The following ADAMTS14 variants were observed in gnomAD, a reference collection of about 807,000 sequenced individuals.
The protein encoded by ADAMTS14 is ADAM metallopeptidase with thrombospondin type 1 motif 14, also known as A disintegrin and metalloproteinase with thrombospondin motifs 14.
Under a neutral mutation model 128.6 loss-of-function variants are expected in ADAMTS14, and 100 were observed. The observed-to-expected ratio is 0.78, with a 90% confidence interval of 0.66 to 0.92. The LOEUF (loss-of-function observed/expected upper bound fraction) is 0.92, where lower values mean the gene tolerates loss of function less well. Ranked by LOEUF, ADAMTS14 falls within the 40% of genes least tolerant of loss-of-function variation. ADAMTS14 has a pLI of 0.00. For synonymous variants in ADAMTS14, 665 were observed against 653.8 expected, an observed-to-expected ratio of 1.02 and a Z score of -0.26; for missense variants, 1,562 against 1,658.6, an observed-to-expected ratio of 0.94 and a Z score of 1.01.
chr10:70,705,321 G>A lies in ADAMTS14; in HGVS notation c.679+2853G>A, dbSNP rs571238464. ...CCATGGTCCTACTCTCTGGAGCCCC[G>A]TTCCCACCCCCAGTTCCCTCCTGAG... On this transcript the variant is annotated intron_variant, in intron 3 of 21. Coordinates refer to ENST00000373207, the MANE Select transcript of ADAMTS14 (RefSeq NM_080722.4). 3.3e-5 allele frequency among the ~76,000 whole-genome samples: 5 copies of A among 152,204 alleles called. No individual in the cohort carries two copies. In the South Asian group the frequency reaches 1.0e-3, roughly 32 times the overall value.
At chr10:70,704,668 CAA>C (rs1840601744) in intron 3 of ADAMTS14, among the ~76,000 whole-genome samples, 2 of 150,016 alleles carry the variant, frequency 1.3e-5, no homozygotes, top group Admixed American at 6.8e-5. Context: ...CACACTGACA[CAA>C]ACACACGCTC....
chr10:70,746,021 G>C (rs1253851298), intron 15 of ADAMTS14, among the ~76,000 whole-genome samples: 1 of 152,174 alleles, frequency 6.6e-6, no homozygotes, highest in East Asian at 1.9e-4. Context: ...GACAAGCCCA[G>C]ATTTAAGGGG....
chr10:70,758,681 T>C (rs1842535843), intron 21 of ADAMTS14, among the ~76,000 whole-genome samples: 1 of 152,206 alleles, frequency 6.6e-6, no homozygotes, highest in African/African-American at 2.4e-5. Flanking sequence ...CTGAACTATA[T>C]CTGGTTCCAA....
intron 2 of ADAMTS14, among the ~76,000 whole-genome samples, chr10:70,694,595 T>G (rs1840281780): frequency 1.3e-5 from 2 of 152,250 alleles, no homozygotes; most frequent in Admixed American, 1.3e-4. Flanking sequence ...TTGCCTATTC[T>G]ATTTGTTTGA....
At chr10:70,693,296 AG>A (rs1169936171) in intron 2 of ADAMTS14, among the ~76,000 whole-genome samples, 2 of 152,206 alleles carry the variant, frequency 1.3e-5, no homozygotes, top group African/African-American at 4.8e-5. Context: ...AAACTCTATC[AG>A]CATGTCAAAG....
chr10:70,710,337 G>A (rs1840809178), intron 4 of ADAMTS14, among the ~76,000 whole-genome samples: 1 of 152,248 alleles, frequency 6.6e-6, no homozygotes, highest in Admixed American at 6.5e-5. Flanking sequence ...GGTGGGTCCT[G>A]AAGAATTTGA....
At chr10:70,759,280 C>G (rs1347962021) in intron 21 of ADAMTS14, among the ~76,000 whole-genome samples, 1 of 151,896 alleles carries the variant, frequency 6.6e-6, no homozygotes, top group Non-Finnish European at 1.5e-5. Flanking sequence ...TCTGATCTTT[C>G]TCTTGTTCCC....
At chr10:70,755,444 G>A (rs1174920631) in intron 19 of ADAMTS14, among the ~76,000 whole-genome samples, 1 of 152,188 alleles carries the variant, frequency 6.6e-6, no homozygotes, top group Non-Finnish European at 1.5e-5. Context: ...TGTTTAATAG[G>A]CGAGGAGTTT....
chr10:70,677,576 C>T (rs1242036649), intron 2 of ADAMTS14, among the ~76,000 whole-genome samples: 1 of 152,142 alleles, frequency 6.6e-6, no homozygotes, highest in Non-Finnish European at 1.5e-5. Context: ...CTGGGTCCCC[C>T]TCCCCTTGGT....
At chr10:70,721,302 C>T (rs958923999) in intron 4 of ADAMTS14, among the ~76,000 whole-genome samples, 1 of 151,814 alleles carries the variant, frequency 6.6e-6, no homozygotes, top group Non-Finnish European at 1.5e-5. Context: ...GGATTACAGG[C>T]GTGAGCCACC....
intron 8 of ADAMTS14, among the ~76,000 whole-genome samples, chr10:70,734,682 G>A (rs1345455925): frequency 1.3e-5 from 2 of 152,222 alleles, no homozygotes; most frequent in Non-Finnish European, 2.9e-5. Flanking sequence ...CTGAGAATGG[G>A]AGGCCAAGTG....
In ADAMTS14 at chr10:70,762,161, G is replaced by C. The variant is rs571030388; in HGVS notation, c.*1308G>C. Reference sequence around the variant, plus strand: ...TCTCCTAAACTCCTGCCAGGTGATAGAGGTGCTTCTCACTTCTTCCTTCCC... The same window carrying C: ...TCTCCTAAACTCCTGCCAGGTGATACAGGTGCTTCTCACTTCTTCCTTCCC... On this transcript the variant is annotated 3_prime_UTR_variant, in exon 22 of 22. Transcript: ENST00000373207. 6.0e-4 allele frequency: 92 copies of C among 152,680 alleles called. No homozygotes were observed. The highest frequency in any genetic ancestry group is 2.2e-3 in the African/African-American group (90 of 41,512). 9.5% of individuals were successfully genotyped at this position (152,680 alleles called of 1,614,324 possible). A position where few individuals can be genotyped will look rare whatever the true frequency, so the allele number is the denominator to read the frequency against.
At position 70,730,252 on chromosome 10, in the gene ADAMTS14, A is replaced by T; in HGVS notation, c.1102+3A>T. 6.2e-7 allele frequency: 1 copy of T among 1,613,632 alleles called. No homozygotes were observed. The highest frequency in any genetic ancestry group is 8.5e-7 in the Non-Finnish European group (1 of 1,179,684). ...CCGGCAGGACTTTGGGCCCTCAGGT[A>T]TGCAAGGTACTGTATTTGCCATGGC... On this transcript the variant is annotated splice_donor_region_variant and intron_variant, in intron 6 of 21. Coordinates refer to ENST00000373207, the MANE Select transcript of ADAMTS14 (RefSeq NM_080722.4).
At chr10:70,682,229 G>A (rs924223943) in intron 2 of ADAMTS14, among the ~76,000 whole-genome samples, 1 of 150,820 alleles carries the variant, frequency 6.6e-6, no homozygotes, top group African/African-American at 2.5e-5. Flanking sequence ...GAAGAGGACC[G>A]GGTAGTCATA....
chr10:70,741,160 A>G lies in ADAMTS14; in HGVS notation c.1922A>G (p.Asp641Gly), dbSNP rs1213777991. The G allele has an allele frequency of 1.2e-6, 2 of 1,612,064 alleles. No homozygotes were observed. The highest frequency in any genetic ancestry group is 3.3e-5 in the Admixed American group (2 of 59,988). ...AGCTGGGTGCCCTACGAGCCTGACG[A>G]TGGTGAGTGGGCCCCACCCCCCTCC... ...KHSWVPYEPD[D>G]DAQKCELICQ... is the part of the protein sequence containing the mutation. Residue 641 changes from aspartate (D) to glycine (G), a missense_variant and splice_region_variant, in exon 12 of 22, where the codon GAT (aspartate) becomes GGT (glycine). Asp to Gly is a moderately conservative substitution (Grantham distance 94, BLOSUM62 -1). Coordinates refer to ENST00000373207, the MANE Select transcript of ADAMTS14 (RefSeq NM_080722.4).
At chr10:70,757,102 G>A (rs1023123624) in intron 19 of ADAMTS14, among the ~76,000 whole-genome samples, 1 of 152,114 alleles carries the variant, frequency 6.6e-6, no homozygotes, top group Non-Finnish European at 1.5e-5. Context: ...ATAAGGCTGT[G>A]GTCAGCATCT....
rs1015998129 is a variant in ADAMTS14, at chr10:70,702,189, G to A, written c.523-123G>A. The A allele has an allele frequency of 3.5e-6, 5 of 1,416,132 alleles. No homozygotes were observed. The African/African-American group carries it at 5.7e-5, about 16-fold the overall frequency. 87.7% of individuals were successfully genotyped at this position (1,416,132 alleles called of 1,614,324 possible). ...AATCCCAGGGCTCCTCAAGGTCCTG[G>A]AGGAAGAGCCTGCAAGCATGTAGGG... is the stretch of plus-strand genomic sequence containing the variant. On this transcript the variant is annotated intron_variant, in intron 2 of 21. Transcript: ENST00000373207.
chr10:70,735,404 G>A (rs779073230), intron 9 of ADAMTS14, 103 bp downstream of exon 9: 148 of 1,464,040 alleles, frequency 1.0e-4, no homozygotes, highest in Non-Finnish European at 1.3e-4. Flanking sequence ...CAGCTGGCCA[G>A]TGGGCCTGGT....
At chr10:70,698,708 A>G (rs1002244143) in intron 2 of ADAMTS14, among the ~76,000 whole-genome samples, 3 of 152,162 alleles carry the variant, frequency 2.0e-5, no homozygotes, top group African/African-American at 7.2e-5. Context: ...TCGCATAGAA[A>G]TTTAGAAACT....
Sources: gnomAD v4.1 joint callset for allele counts (sites outside exome capture counted in the v4.1 genomes callset) on GRCh38, gnomAD v4.1.1 for gene constraint, MANE v1.5 for transcripts, NCBI Gene and HGNC (gene_info 2026-07-23, HGNC 2026-07-21) for gene names.